RALGAPA2: variants seen among roughly 807,000 people sequenced by gnomAD.
RALGAPA2 encodes the protein ral GTPase-activating protein subunit alpha-2.
RALGAPA2 carries 139 observed loss-of-function variants against 230.4 expected under a neutral mutation model. The ratio of observed to expected loss-of-function variants is 0.60; its 90% CI spans 0.53 to 0.69. The LOEUF is 0.69. Ranked by LOEUF, RALGAPA2 falls within the 30% of genes least tolerant of loss-of-function variation. The pLI is 0.00. For synonymous variants in RALGAPA2, 847 were observed against 837.8 expected, an observed-to-expected ratio of 1.01 and a Z score of -0.19; for missense variants, 2,163 against 2,276.0, an observed-to-expected ratio of 0.95 and a Z score of 1.01.
chr20:20,543,813 G>A (rs1348050154), intron 24 of RALGAPA2, among the ~76,000 whole-genome samples: 1 of 151,652 alleles, frequency 6.6e-6, no homozygotes, highest in Admixed American at 6.6e-5. Context: ...ACACCAACAT[G>A]ACACATGTAT....
chr20:20,399,713 G>A (rs761358082), intron 38 of RALGAPA2, among the ~76,000 whole-genome samples: 9 of 152,264 alleles, frequency 5.9e-5, no homozygotes, highest in Non-Finnish European at 1.3e-4. Flanking sequence ...GTGCGGCTCC[G>A]CCTAGCAGAG....
intron 37 of RALGAPA2, among the ~76,000 whole-genome samples, chr20:20,467,266 T>C (rs2061439091): frequency 6.6e-6 from 1 of 152,198 alleles, no homozygotes; most frequent in African/African-American, 2.4e-5. Context: ...TCTCCGAAAA[T>C]AGTAATCTTA....
chr20:20,695,239 A>G (rs769202446), intron 1 of RALGAPA2, among the ~76,000 whole-genome samples: 1 of 152,244 alleles, frequency 6.6e-6, no homozygotes, highest in Non-Finnish European at 1.5e-5. Flanking sequence ...GTAACAGCAC[A>G]TACATGGTAC....
intron 30 of RALGAPA2, among the ~76,000 whole-genome samples, chr20:20,522,250 CA>C (rs1175875335): frequency 0.013 from 651 of 48,362 alleles, no homozygotes; most frequent in South Asian, 0.045. Flanking sequence ...CGTATATGTA[CA>C]AAAAAAAAAA....
intron 37 of RALGAPA2, among the ~76,000 whole-genome samples, chr20:20,466,041 C>A (rs1244762740): frequency 1.3e-5 from 2 of 152,194 alleles, no homozygotes; most frequent in African/African-American, 2.4e-5. Context: ...CCCATTAGCC[C>A]TCTCACCAAC....
intron 13 of RALGAPA2, among the ~76,000 whole-genome samples, chr20:20,613,305 G>T (rs544832759): frequency 6.6e-6 from 1 of 152,284 alleles, no homozygotes; most frequent in South Asian, 2.1e-4. Flanking sequence ...TCCAACACAG[G>T]AGTGAGGATT....
chr20:20,638,029 G>C (rs1054174352), intron 7 of RALGAPA2, among the ~76,000 whole-genome samples: 1 of 152,110 alleles, frequency 6.6e-6, no homozygotes, highest in East Asian at 1.9e-4. Context: ...CAAAGGCTAC[G>C]ATAAACCAGA....
At chr20:20,411,355 T>C (rs1246352446) in intron 38 of RALGAPA2, among the ~76,000 whole-genome samples, 1 of 152,130 alleles carries the variant, frequency 6.6e-6, no homozygotes, top group Non-Finnish European at 1.5e-5. Context: ...CATGTATTTT[T>C]CCCCCCAAAC....
intron 1 of RALGAPA2, among the ~76,000 whole-genome samples, chr20:20,708,913 G>A (rs185889623): frequency 2.6e-5 from 4 of 152,292 alleles, no homozygotes; most frequent in Admixed American, 2.6e-4. Context: ...CAGGCATGGT[G>A]GCTTATGCCT....
intron 38 of RALGAPA2, among the ~76,000 whole-genome samples, chr20:20,407,625 A>C (rs968232142): frequency 1.3e-5 from 2 of 152,236 alleles, no homozygotes; most frequent in African/African-American, 4.8e-5. Flanking sequence ...AAGTGCCTCC[A>C]TCTGCAGTTT....
At chr20:20,452,681 G>A (rs1259350119) in intron 37 of RALGAPA2, among the ~76,000 whole-genome samples, 1 of 152,206 alleles carries the variant, frequency 6.6e-6, no homozygotes, top group Non-Finnish European at 1.5e-5. Flanking sequence ...GTGCAATGTC[G>A]GCCGGCATGT....
chr20:20,643,314 A>G (rs2067104135), intron 5 of RALGAPA2, among the ~76,000 whole-genome samples, 192 bp downstream of exon 5: 1 of 152,210 alleles, frequency 6.6e-6, no homozygotes, highest in Admixed American at 6.5e-5. Context: ...TCCTAATACT[A>G]TTTAAAATGT....
rs1380362853 is a variant in RALGAPA2, at chr20:20,643,052, CTGT to C, written c.372+451_372+453del. On this transcript the variant is annotated intron_variant, in intron 5 of 39. Transcript: ENST00000202677. ...CAAATAAATATTCAAGAGTGAGACCCTGTTGTTCTTTTCTCCCACAATGGCTCT... is the reference window on the plus strand; with the variant it reads ...CAAATAAATATTCAAGAGTGAGACCCTGTTCTTTTCTCCCACAATGGCTCT... 1.3e-4 allele frequency among the ~76,000 whole-genome samples: 20 copies of C among 152,264 alleles called. No individual in the cohort carries two copies. The South Asian group carries it at 3.1e-3, about 24-fold the overall frequency.
chr20:20,610,863 T>C (rs1398396989), intron 14 of RALGAPA2, among the ~76,000 whole-genome samples: 1 of 152,176 alleles, frequency 6.6e-6, no homozygotes, highest in African/African-American at 2.4e-5. Flanking sequence ...CACACTCCTC[T>C]GGTTTTCCTC....
At position 20,712,314 on chromosome 20, in the gene RALGAPA2, G is replaced by T; in HGVS notation, c.106+61C>A. 1 of 1,410,736 alleles carries T rather than the reference G, an allele frequency of 7.1e-7. No individual in the cohort carries two copies. The highest frequency in any genetic ancestry group is 1.2e-5 in the South Asian group (1 of 80,392). 87.4% of individuals were successfully genotyped at this position (1,410,736 alleles called of 1,614,324 possible). Reference sequence around the variant, plus strand: ...GCCACCGACCCCTGCACAGAGGAGCGCCCTCCCGGCAGGTGCCCCTAACCC... The same window carrying T: ...GCCACCGACCCCTGCACAGAGGAGCTCCCTCCCGGCAGGTGCCCCTAACCC... On this transcript the variant is annotated intron_variant, in intron 1 of 39. Coordinates refer to ENST00000202677, the MANE Select transcript of RALGAPA2 (RefSeq NM_020343.4). The surrounding 1 kb of genome is among the most constrained non-coding windows in gnomAD (Gnocchi z 5.5).
intron 23 of RALGAPA2, among the ~76,000 whole-genome samples, chr20:20,557,830 G>A (rs953513891): frequency 4.6e-5 from 7 of 152,000 alleles, no homozygotes; most frequent in African/African-American, 7.3e-5. Context: ...TAACAGACAC[G>A]GAGAACGGCA....
intron 36 of RALGAPA2, among the ~76,000 whole-genome samples, chr20:20,477,155 A>G (rs756073496): frequency 3.9e-5 from 6 of 152,212 alleles, no homozygotes; most frequent in Non-Finnish European, 5.9e-5. Flanking sequence ...AAGTGTGTTC[A>G]CTTTGAAAAC....
At chr20:20,490,861 AAC>A (rs34230105) in intron 36 of RALGAPA2, among the ~76,000 whole-genome samples, 6,076 of 142,182 alleles carry the variant, frequency 0.043, 204 homozygotes, top group African/African-American at 0.093. Flanking sequence ...AACACACATG[AAC>A]ACACACACAC....
At chr20:20,629,774 ACCAACAAATCCCTC>A (rs1160461184) in intron 9 of RALGAPA2, among the ~76,000 whole-genome samples, 184 bp from the exon 10 acceptor site, 1 of 152,192 alleles carries the variant, frequency 6.6e-6, no homozygotes, top group East Asian at 1.9e-4. Flanking sequence ...TTTCTAACTA[ACCAACAAATCCCTC>A]CCAACTCAGC....
Sources: gnomAD v4.1 joint callset for allele counts (sites outside exome capture counted in the v4.1 genomes callset) on GRCh38, gnomAD v4.1.1 for gene constraint, Gnocchi (gnomAD v3.1) non-coding constraint, MANE v1.5 for transcripts, NCBI Gene and HGNC (gene_info 2026-07-23, HGNC 2026-07-21) for gene names.